The following LDAH variants were observed in gnomAD, a reference collection of about 807,000 sequenced individuals.
LDAH encodes the protein lipid droplet associated hydrolase, also known as lipid droplet-associated hydrolase.
A neutral mutation model predicts 29.6 loss-of-function variants in LDAH; 26 were observed. The ratio of observed to expected loss-of-function variants is 0.88; its 90% CI spans 0.64 to 1.22. The LOEUF is 1.22. Ranked by LOEUF, LDAH falls within the 50% of genes most tolerant of loss-of-function variation. The pLI, the probability that LDAH is intolerant of heterozygous loss-of-function variation, is 0.00. For missense variants in LDAH, 344 were observed against 387.3 expected (o/e 0.89, Z 0.94); for synonymous variants, 117 against 133.0 (o/e 0.88, Z 0.83).
At chr2:20,774,240 G>A (rs772226727) in intron 4 of LDAH, among the ~76,000 whole-genome samples, 48 of 152,062 alleles carry the variant, frequency 3.2e-4, no homozygotes, top group African/African-American at 4.8e-4. Flanking sequence ...CGTCTCTAGC[G>A]CCTCACTTAA....
chr2:20,710,639 T>TAC (rs1380205196), intron 5 of LDAH, among the ~76,000 whole-genome samples: 1 of 141,680 alleles, frequency 7.1e-6, no homozygotes, highest in Non-Finnish European at 1.5e-5. Flanking sequence ...TATATAGATA[T>TAC]ATAGTATACA....
chr2:20,760,335 C>T (rs1160884279), intron 4 of LDAH, among the ~76,000 whole-genome samples: 1 of 152,198 alleles, frequency 6.6e-6, no homozygotes, highest in Non-Finnish European at 1.5e-5. Flanking sequence ...GTTGCTATTA[C>T]CCTTTTACTT....
At chr2:20,770,868 G>A (rs973528412) in intron 4 of LDAH, among the ~76,000 whole-genome samples, 10 of 152,184 alleles carry the variant, frequency 6.6e-5, no homozygotes, top group Non-Finnish European at 1.5e-4. Context: ...ATACTGGCAA[G>A]GGACCTTTCT....
At chr2:20,740,658 C>T (rs768859716) in intron 4 of LDAH, among the ~76,000 whole-genome samples, 136 of 152,126 alleles carry the variant, frequency 8.9e-4, no homozygotes, top group Non-Finnish European at 1.7e-3. Flanking sequence ...CTGAATGTAC[C>T]GTAGTGTATT....
intron 4 of LDAH, among the ~76,000 whole-genome samples, chr2:20,753,966 T>C (rs756317579): frequency 7.9e-5 from 12 of 152,178 alleles, no homozygotes; most frequent in Non-Finnish European, 1.5e-4. Context: ...AATACATATA[T>C]ACAAATTAAA....
At chr2:20,718,371 T>C (rs1665396428) in intron 5 of LDAH, among the ~76,000 whole-genome samples, 1 of 152,008 alleles carries the variant, frequency 6.6e-6, no homozygotes, top group African/African-American at 2.4e-5. Flanking sequence ...GCTATATTTA[T>C]AGCACATAAA....
intron 5 of LDAH, among the ~76,000 whole-genome samples, chr2:20,711,465 T>C (rs1205614674): frequency 2.0e-5 from 3 of 151,700 alleles, no homozygotes; most frequent in African/African-American, 4.8e-5. Context: ...GCTTCCAGCA[T>C]GATTGACAGA....
chr2:20,697,095 C>T (rs1198207040), intron 6 of LDAH, among the ~76,000 whole-genome samples: 2 of 151,254 alleles, frequency 1.3e-5, no homozygotes, highest in African/African-American at 4.9e-5. Context: ...ACCCATACAT[C>T]CAGGGCCTGC....
At chr2:20,766,087 A>AG (rs1455347111) in intron 4 of LDAH, among the ~76,000 whole-genome samples, 9 of 145,116 alleles carry the variant, frequency 6.2e-5, no homozygotes, top group Admixed American at 6.1e-4. Flanking sequence ...TTTTTTTTTT[A>AG]CCTTAACTCA....
chr2:20,699,763 C>G (rs750530425), intron 6 of LDAH, among the ~76,000 whole-genome samples: 2 of 152,172 alleles, frequency 1.3e-5, no homozygotes, highest in Non-Finnish European at 2.9e-5. Context: ...CCATTACACC[C>G]CCGTATTTCC....
intron 3 of LDAH, among the ~76,000 whole-genome samples, chr2:20,785,788 T>C (rs1285889980): frequency 6.6e-6 from 1 of 152,226 alleles, no homozygotes; most frequent in African/African-American, 2.4e-5. Context: ...TTCCTCAGCT[T>C]CATCCAGCCT....
At chr2:20,711,596 C>G (rs1011073802) in intron 5 of LDAH, among the ~76,000 whole-genome samples, 1 of 152,174 alleles carries the variant, frequency 6.6e-6, no homozygotes, top group African/African-American at 2.4e-5. Flanking sequence ...CGCCTCACCC[C>G]AGAAACACAA....
intron 3 of LDAH, chr2:20,789,395 G>C (rs1052190284): frequency 6.9e-7 from 1 of 1,458,286 alleles, no homozygotes; most frequent in African/African-American, 1.4e-5. Flanking sequence ...GTGCAGACTG[G>C]ACTGGACGTC....
At chr2:20,803,679 C>G (rs200163189) in intron 1 of LDAH, among the ~76,000 whole-genome samples, 2 of 152,148 alleles carry the variant, frequency 1.3e-5, no homozygotes, top group Non-Finnish European at 2.9e-5. Context: ...TGTGCACCAG[C>G]GTTGGCTCAG....
chr2:20,754,500 CAAAAAAAAAAAA>C (rs61076745), intron 4 of LDAH, among the ~76,000 whole-genome samples: 1 of 77,438 alleles, frequency 1.3e-5, no homozygotes, highest in Non-Finnish European at 2.3e-5. Context: ...ACCCTCGCCA[CAAAAAAAAAAAA>C]AAAAAAAAAG....
At chr2:20,765,255 C>T (rs1417954984) in intron 4 of LDAH, among the ~76,000 whole-genome samples, 2 of 152,156 alleles carry the variant, frequency 1.3e-5, no homozygotes, top group Non-Finnish European at 1.5e-5. Context: ...TTAAATTCTC[C>T]CCTACTTACA....
intron 5 of LDAH, among the ~76,000 whole-genome samples, chr2:20,724,614 T>C (rs1190275155): frequency 6.6e-6 from 1 of 152,192 alleles, no homozygotes; most frequent in Admixed American, 6.5e-5. Context: ...TGGCAGGTAC[T>C]GGTATAAAAG....
intron 2 of LDAH, 61 bp from the exon 3 acceptor site, chr2:20,790,459 G>T: frequency 7.0e-7 from 1 of 1,435,964 alleles, no homozygotes; most frequent in Non-Finnish European, 9.6e-7. Flanking sequence ...AAGATGACAC[G>T]CAGGCTAGAA....
chr2:20,740,249 A>C lies in LDAH; in HGVS notation c.469-44T>G, dbSNP rs1286294829. ...CTTTGATGAGAGGTTTTCTTAAAGGATAGGTCCATTACTTATTGTCTCTTC... is the reference window on the plus strand; with the variant it reads ...CTTTGATGAGAGGTTTTCTTAAAGGCTAGGTCCATTACTTATTGTCTCTTC... On this transcript the variant is annotated intron_variant, in intron 4 of 6. Coordinates refer to ENST00000237822, the MANE Select transcript of LDAH (RefSeq NM_021925.4). The C allele has an allele frequency of 9.2e-6, 12 of 1,302,070 alleles. No homozygotes were observed. In the Admixed American group the frequency reaches 1.9e-4, roughly 20 times the overall value. The allele number at this position is 1,302,070 out of a possible 1,614,324, so 80.7% of individuals were successfully genotyped here. A position where few individuals can be genotyped will look rare whatever the true frequency, so the allele number is the denominator to read the frequency against.
Sources: allele counts gnomAD v4.1 joint callset (sites outside exome capture counted in the v4.1 genomes callset), GRCh38; gene constraint gnomAD v4.1.1; transcripts MANE v1.5; gene names NCBI Gene and HGNC (gene_info 2026-07-23, HGNC 2026-07-21).